The following NAV3 variants were observed in gnomAD, a reference collection of about 807,000 sequenced individuals.
The protein encoded by NAV3 is pore membrane and/or filament interacting like protein 1.
In NAV3, 87 loss-of-function variants were observed where a neutral mutation model predicts 244.7. The observed-to-expected ratio is 0.36, with a 90% confidence interval of 0.30 to 0.42. The LOEUF (loss-of-function observed/expected upper bound fraction) is 0.42. NAV3 is among the 20% of genes least tolerant of loss of function. The pLI is 1.00. For synonymous variants in NAV3, 1,126 were observed against 1,042.2 expected, an observed-to-expected ratio of 1.08 and a Z score of -1.55; for missense variants, 2,663 against 2,893.3, an observed-to-expected ratio of 0.92 and a Z score of 1.83.
intron 8 of NAV3, among the ~76,000 whole-genome samples, chr12:78,012,649 C>G (rs1302803563): frequency 6.6e-6 from 1 of 152,066 alleles, no homozygotes; most frequent in Non-Finnish European, 1.5e-5. Flanking sequence ...CAACTGTCTT[C>G]TAGATCACTG....
At chr12:77,586,541 G>T (rs1342226245) in intron 2 of NAV3, among the ~76,000 whole-genome samples, 3 of 151,982 alleles carry the variant, frequency 2.0e-5, no homozygotes, top group Admixed American at 2.0e-4. Context: ...AGTGTTATTT[G>T]TTTTTTTCTT....
At chr12:77,924,285 C>A (rs1417160951) in intron 1 of NAV3, among the ~76,000 whole-genome samples, 1 of 152,054 alleles carries the variant, frequency 6.6e-6, no homozygotes, top group Non-Finnish European at 1.5e-5. Flanking sequence ...TTTTTGTGGG[C>A]TAGAGTAGGA....
chr12:78,125,837 T>G (rs1226686735), intron 16 of NAV3, among the ~76,000 whole-genome samples: 1 of 152,320 alleles, frequency 6.6e-6, no homozygotes, highest in East Asian at 1.9e-4. Flanking sequence ...ATTAAATTGC[T>G]CTTCATCATA....
At chr12:78,111,912 G>T (rs1955111632) in intron 12 of NAV3, among the ~76,000 whole-genome samples, 1 of 152,072 alleles carries the variant, frequency 6.6e-6, no homozygotes, top group African/African-American at 2.4e-5. Context: ...ATATAAGAAA[G>T]ATATAGTAAA....
At chr12:77,579,846 A>T (rs1761592707) in intron 2 of NAV3, among the ~76,000 whole-genome samples, 1 of 152,194 alleles carries the variant, frequency 6.6e-6, no homozygotes, top group Admixed American at 6.5e-5. Context: ...TGGTTCTCGA[A>T]TCCGACACTT....
intron 2 of NAV3, among the ~76,000 whole-genome samples, chr12:77,584,801 TA>T (rs887611028): frequency 6.6e-6 from 1 of 152,206 alleles, no homozygotes; most frequent in Non-Finnish European, 1.5e-5. Flanking sequence ...ATGGCTTGTA[TA>T]AAAAATTAAA....
chr12:78,008,617 G>A (rs557390849), intron 8 of NAV3, among the ~76,000 whole-genome samples: 6 of 151,644 alleles, frequency 4.0e-5, no homozygotes, highest in African/African-American at 1.4e-4. Context: ...TTTTTTGAAT[G>A]TAAAAGTTTT....
intron 2 of NAV3, among the ~76,000 whole-genome samples, chr12:77,681,942 A>G (rs1353917739): frequency 6.6e-6 from 1 of 152,182 alleles, no homozygotes; most frequent in Non-Finnish European, 1.5e-5. Flanking sequence ...TGGCATCGTC[A>G]AGCTATTTAC....
chr12:78,104,688 T>C (rs1464398649), intron 12 of NAV3, among the ~76,000 whole-genome samples: 2 of 152,230 alleles, frequency 1.3e-5, no homozygotes, highest in Non-Finnish European at 2.9e-5. Flanking sequence ...CTTAATATCA[T>C]GTAAAATTTG....
chr12:78,068,322 T>G (rs1170524939), intron 12 of NAV3, among the ~76,000 whole-genome samples: 2 of 151,620 alleles, frequency 1.3e-5, no homozygotes, highest in African/African-American at 4.8e-5. Flanking sequence ...GATAAAGGTT[T>G]TTATCATGCC....
rs2136568569 is a variant in NAV3 at position 78,006,742 on chromosome 12, C to T, written c.1204C>T (p.Pro402Ser). 1 of 1,614,184 alleles carries T rather than the reference C, an allele frequency of 6.2e-7. No individual in the cohort carries two copies. Among genetic ancestry groups the T allele is most frequent in the Non-Finnish European group, 8.5e-7 (1 of 1,180,040 alleles). Reference protein sequence around the residue: ...NARTALRPPQPPSSGPSDGGK... With the variant: ...NARTALRPPQSPSSGPSDGGK... The stretch of plus-strand genomic sequence containing the variant: ...CCGGACTGCTTTACGCCCCCCGCAG[C>T]CTCCCAGTTCAGGACCTAGTGATGG... Residue 402 changes from proline to serine, a missense_variant, in exon 8 of 40, where the codon CCT (proline) becomes TCT (serine). By Grantham distance (74) the Pro-to-Ser change is moderately conservative (BLOSUM62 -1). This residue lies in a region of NAV3 where 1,521 missense variants were observed against 1,497.0 expected (regional missense o/e 1.02). Coordinates refer to ENST00000397909, the MANE Select transcript of NAV3 (RefSeq NM_001024383.2).
chr12:78,031,166 T>A lies in NAV3; in HGVS notation c.2023+9304T>A, dbSNP rs138231376. On this transcript the variant is annotated intron_variant, in intron 9 of 39. Transcript: ENST00000397909. ...GAAGTCTATATAACATTCAGAGTCC[T>A]GAAAATAGTACAGAAAATAAAATGT... 4.6e-5 allele frequency among the ~76,000 whole-genome samples: 7 copies of A among 152,250 alleles called. 1 individual carries two copies. Among genetic ancestry groups the A allele is most frequent in the African/African-American group, 1.7e-4 (7 of 41,548 alleles).
chr12:77,940,402 T>C lies in NAV3; in HGVS notation c.327T>C (p.Asp109=), dbSNP rs1218228871. 2.5e-6 allele frequency: 4 copies of C among 1,613,662 alleles called. No individual in the cohort carries two copies. Among genetic ancestry groups the C allele is most frequent in the Non-Finnish European group, 3.4e-6 (4 of 1,179,770 alleles). The change falls in exon 2 of 40, where the codon GAT becomes GAC. Residue 109 remains aspartate (D), a synonymous_variant. Coordinates refer to ENST00000397909, the MANE Select transcript of NAV3 (RefSeq NM_001024383.2). The stretch of plus-strand genomic sequence containing the variant: ...AGGACTTGCAACAAGACATTGCAGA[T>C]GGAGTACTCCTAGCAGAAATCATCC... The part of the protein sequence containing the change: ...LIKDLQQDIA[D]GVLLAEIIQI...
chr12:77,901,608 G>T (rs979960760), intron 1 of NAV3, among the ~76,000 whole-genome samples: 59 of 152,182 alleles, frequency 3.9e-4, no homozygotes, highest in African/African-American at 1.2e-3. Context: ...CACTTGGGAG[G>T]CTGAGGCACG....
chr12:78,029,053 G>T (rs1463867480), intron 9 of NAV3, among the ~76,000 whole-genome samples: 1 of 152,008 alleles, frequency 6.6e-6, no homozygotes, highest in Non-Finnish European at 1.5e-5. Flanking sequence ...TAAAGACATG[G>T]TTGTACCTGC....
At chr12:78,113,858 AC>A (rs1001388076) in intron 12 of NAV3, among the ~76,000 whole-genome samples, 3 of 152,166 alleles carry the variant, frequency 2.0e-5, no homozygotes, top group African/African-American at 7.2e-5. Context: ...AATTTTTAAA[AC>A]TTTTATGCTC....
intron 2 of NAV3, among the ~76,000 whole-genome samples, chr12:77,804,463 C>G (rs1001769009): frequency 2.0e-5 from 3 of 152,102 alleles, no homozygotes; most frequent in Non-Finnish European, 1.5e-5. Flanking sequence ...TCAGGTTTAT[C>G]GAAGATCAGA....
At chr12:78,004,617 A>G (rs1873881247) in intron 7 of NAV3, among the ~76,000 whole-genome samples, 1 of 152,230 alleles carries the variant, frequency 6.6e-6, no homozygotes, top group South Asian at 2.1e-4. Context: ...ATTTGTGACT[A>G]CATTCATTCT....
chr12:78,179,921 C>T (rs889338217), intron 29 of NAV3, among the ~76,000 whole-genome samples: 14 of 152,096 alleles, frequency 9.2e-5, no homozygotes, highest in African/African-American at 3.1e-4. Context: ...GGATACTGTA[C>T]TAGTAATTGG....
Sources: gnomAD v4.1 joint callset for allele counts (sites outside exome capture counted in the v4.1 genomes callset) on GRCh38, gnomAD v4.1.1 for gene constraint, gnomAD v4.1.1 regional missense constraint, MANE v1.5 for transcripts, NCBI Gene and HGNC (gene_info 2026-07-23, HGNC 2026-07-21) for gene names.